The following PRR5L variants were observed in gnomAD, a reference collection of about 807,000 sequenced individuals.
The protein encoded by PRR5L is proline-rich protein 5-like.
Under a neutral mutation model 36.4 loss-of-function variants are expected in PRR5L, and 21 were observed. The observed-to-expected ratio is 0.58, with a 90% CI of 0.41 to 0.83. The LOEUF (loss-of-function observed/expected upper bound fraction) is 0.83, where lower values mean the gene tolerates loss of function less well. PRR5L is among the 40% of genes least tolerant of loss of function. PRR5L has a pLI of 0.00. For synonymous variants in PRR5L, 188 were observed against 197.0 expected, an observed-to-expected ratio of 0.95 and a Z score of 0.38; for missense variants, 381 against 473.3, an observed-to-expected ratio of 0.80 and a Z score of 1.81.
chr11:36,321,916 A>G (rs988834536), intron 1 of PRR5L, among the ~76,000 whole-genome samples: 9 of 152,030 alleles, frequency 5.9e-5, no homozygotes, highest in African/African-American at 2.2e-4. Flanking sequence ...CTCTTCTCAT[A>G]AGGACACCGG....
Position 36,418,082 on chromosome 11 carries a change from T to C in PRR5L, c.246-1173T>C, listed in dbSNP as rs193143042. Among the ~76,000 whole-genome samples the C allele has an allele frequency of 2.3e-3, 352 of 152,346 alleles. 3 individuals carry two copies. The highest frequency in any genetic ancestry group is 7.6e-3 in the African/African-American group (317 of 41,570). On this transcript the variant is annotated intron_variant, in intron 3 of 8. Transcript: ENST00000530639. ...TAGCACTTAAGATTCGTTGAAATCA[T>C]CTTGTGAGTATATTTATTAACGTGC... is the stretch of plus-strand genomic sequence containing the variant.
At chr11:36,338,706 C>T (rs1856791081) in intron 1 of PRR5L, among the ~76,000 whole-genome samples, 1 of 152,130 alleles carries the variant, frequency 6.6e-6, no homozygotes. Flanking sequence ...TGGACCACTC[C>T]TCAAAATCCT....
Position 36,464,000 on chromosome 11 carries a change from C to G in PRR5L, c.*1264C>G, listed in dbSNP as rs763533220. 5 of 152,082 alleles carry G rather than the reference C, an allele frequency of 3.3e-5. No homozygotes were observed. The highest frequency in any genetic ancestry group is 2.0e-4 in the Admixed American group (3 of 15,264). 9.4% of individuals were successfully genotyped at this position (152,082 alleles called of 1,614,324 possible). ...GAGAGAGGGGAGATGTGGGCAGGACCTTTTGGAAGGATGTTTATTCTCTGT... is the reference window on the plus strand; with the variant it reads ...GAGAGAGGGGAGATGTGGGCAGGACGTTTTGGAAGGATGTTTATTCTCTGT... On this transcript the variant is annotated 3_prime_UTR_variant, in exon 9 of 9. Transcript: ENST00000530639.
At chr11:36,352,356 GT>G (rs34005881) in intron 1 of PRR5L, among the ~76,000 whole-genome samples, 38,614 of 151,960 alleles carry the variant, frequency 0.25, 5,607 homozygotes, top group Non-Finnish European at 0.33. Flanking sequence ...TTTTTCAGAT[GT>G]TTAGATTGTG....
rs368304511 is a variant in PRR5L, at chr11:36,303,060, G to A, written c.-126+6622G>A. ...CTCCAGAGCCCACGCTGCCCTAATC[G>A]CAAGGCAACACTGCCTCTTGAGTTT... On this transcript the variant is annotated intron_variant, in intron 1 of 8. Coordinates refer to ENST00000530639, the MANE Select transcript of PRR5L (RefSeq NM_001160167.2). Among the ~76,000 whole-genome samples the A allele has an allele frequency of 2.2e-3, 332 of 152,296 alleles. 1 individual carries two copies. The highest frequency in any genetic ancestry group is 7.6e-3 in the African/African-American group (317 of 41,574).
At chr11:36,405,676 C>A (rs999015891) in intron 3 of PRR5L, among the ~76,000 whole-genome samples, 1 of 152,216 alleles carries the variant, frequency 6.6e-6, no homozygotes, top group African/African-American at 2.4e-5. Flanking sequence ...TAGTAGTCTA[C>A]CGGGGCTGCC....
chr11:36,380,951 C>T (rs951490552), intron 1 of PRR5L, among the ~76,000 whole-genome samples: 14 of 152,202 alleles, frequency 9.2e-5, no homozygotes, highest in Admixed American at 4.6e-4. Context: ...CCGTGGCCTA[C>T]GGGAAGACCT....
At chr11:36,343,348 A>G (rs74615966) in intron 1 of PRR5L, among the ~76,000 whole-genome samples, 3,360 of 152,346 alleles carry the variant, frequency 0.022, 77 homozygotes, top group East Asian at 0.098. Flanking sequence ...TGAAAAGTAT[A>G]TAAGACGCCT....
chr11:36,385,524 A>G (rs770566121), intron 1 of PRR5L, among the ~76,000 whole-genome samples: 6 of 152,254 alleles, frequency 3.9e-5, no homozygotes, highest in Non-Finnish European at 8.8e-5. Context: ...TTAAGCAGAG[A>G]TAAACACTTG....
At chr11:36,321,426 C>T (rs1287120894) in intron 1 of PRR5L, 2 of 152,226 alleles carry the variant, frequency 1.3e-5, no homozygotes, top group Non-Finnish European at 2.9e-5. Flanking sequence ...CCATGAGCTT[C>T]TAGCATATGT....
chr11:36,352,748 C>G (rs1250958875), intron 1 of PRR5L, among the ~76,000 whole-genome samples: 1 of 152,160 alleles, frequency 6.6e-6, no homozygotes, highest in African/African-American at 2.4e-5. Flanking sequence ...CCTGGCCCTC[C>G]TCAGATACCA....
At chr11:36,322,137 A>G (rs1365805807) in intron 1 of PRR5L, among the ~76,000 whole-genome samples, 1 of 152,176 alleles carries the variant, frequency 6.6e-6, no homozygotes, top group Admixed American at 6.5e-5. Context: ...GTACATATCT[A>G]TAATTCTTAA....
chr11:36,427,760 A>G (rs1858411657), intron 4 of PRR5L, among the ~76,000 whole-genome samples: 2 of 152,190 alleles, frequency 1.3e-5, no homozygotes, highest in South Asian at 4.1e-4. Context: ...GTGGGTACTC[A>G]GCATTCTGTG....
intron 1 of PRR5L, among the ~76,000 whole-genome samples, chr11:36,349,211 G>A (rs758513784): frequency 3.4e-5 from 5 of 149,036 alleles, no homozygotes; most frequent in Non-Finnish European, 7.4e-5. Flanking sequence ...TTGAACCCGC[G>A]AGGCGGAGGT....
intron 1 of PRR5L, among the ~76,000 whole-genome samples, chr11:36,339,328 A>G (rs2133479011): frequency 6.6e-6 from 1 of 152,348 alleles, no homozygotes; most frequent in Admixed American, 6.5e-5. Context: ...TTCTGACCTC[A>G]GACGATCCAC....
chr11:36,351,643 T>TTATA (rs1272521907), intron 1 of PRR5L, among the ~76,000 whole-genome samples: 1 of 13,670 alleles, frequency 7.3e-5, no homozygotes, highest in Non-Finnish European at 1.2e-4. Context: ...AAATATATAT[T>TTATA]TATATATTTA....
chr11:36,367,919 C>T (rs1045621190), intron 1 of PRR5L, among the ~76,000 whole-genome samples: 2 of 151,004 alleles, frequency 1.3e-5, no homozygotes, highest in Non-Finnish European at 2.9e-5. Flanking sequence ...TTGAGGATGA[C>T]CAGCCGTGGG....
At chr11:36,350,430 A>C (rs11603868) in intron 1 of PRR5L, among the ~76,000 whole-genome samples, 3,203 of 152,166 alleles carry the variant, frequency 0.021, 67 homozygotes, top group East Asian at 0.086. Flanking sequence ...GAGGTTCTTA[A>C]AGGTAAAGAT....
intron 1 of PRR5L, chr11:36,376,841 C>A (rs1857272277): frequency 1.7e-6 from 1 of 603,082 alleles, no homozygotes; most frequent in Non-Finnish European, 2.1e-6. Context: ...GGAAAAGTGT[C>A]ACGTTTGGGG....
Sources: gnomAD v4.1 joint callset for allele counts (sites outside exome capture counted in the v4.1 genomes callset) on GRCh38, gnomAD v4.1.1 for gene constraint, MANE v1.5 for transcripts, NCBI Gene and HGNC (gene_info 2026-07-23, HGNC 2026-07-21) for gene names.